Variants in SEZ6L observed in about 807,000 individuals in gnomAD.
SEZ6L encodes the protein seizure 6-like protein.
SEZ6L carries 37 observed loss-of-function variants against 106.2 expected under a neutral mutation model. The ratio of observed to expected loss-of-function variants is 0.35; its 90% CI spans 0.27 to 0.46. The LOEUF (loss-of-function observed/expected upper bound fraction) is 0.46, where lower values mean the gene tolerates loss of function less well. SEZ6L is among the 20% of genes least tolerant of loss of function. The pLI, the probability that SEZ6L is intolerant of heterozygous loss-of-function variation, is 1.00. For missense variants in SEZ6L, 1,172 were observed against 1,332.8 expected, an observed-to-expected ratio of 0.88 and a Z score of 1.88; for synonymous variants, 541 against 570.4, an observed-to-expected ratio of 0.95 and a Z score of 0.73.
chr22:26,204,789 A>G (rs1941192678), intron 1 of SEZ6L, among the ~76,000 whole-genome samples: 1 of 152,246 alleles, frequency 6.6e-6, no homozygotes, highest in African/African-American at 2.4e-5. Context: ...CACATTTGCC[A>G]AAGACAGGAG....
chr22:26,284,604 CAAAAAAAAAAAAA>C (rs137198), intron 1 of SEZ6L, among the ~76,000 whole-genome samples: 7 of 64,022 alleles, frequency 1.1e-4, no homozygotes, highest in East Asian at 1.1e-3. Context: ...ATCAGGACTC[CAAAAAAAAAAAAA>C]AAAAAAAAAA....
intron 1 of SEZ6L, among the ~76,000 whole-genome samples, chr22:26,208,846 CTCTCTGTGTGTGTGTGTGTGTGTGTG>C (rs1319019886): frequency 3.4e-5 from 4 of 118,110 alleles, no homozygotes; most frequent in South Asian, 5.9e-4. Context: ...TCTTGACTCT[CTCTCTGTGTGTGTGTGTGTGTGTGTG>C]TGTGTGTGTG....
intron 9 of SEZ6L, among the ~76,000 whole-genome samples, chr22:26,339,591 G>T (rs971332025): frequency 1.3e-5 from 2 of 152,158 alleles, no homozygotes; most frequent in African/African-American, 2.4e-5. Context: ...ACAGGTTTGA[G>T]CATATCTCAT....
chr22:26,247,354 G>A (rs867891792), intron 1 of SEZ6L, among the ~76,000 whole-genome samples: 8 of 152,272 alleles, frequency 5.3e-5, no homozygotes, highest in Middle Eastern at 3.4e-3. Context: ...CATGTCTGCC[G>A]AAAAGCTCAG....
At chr22:26,365,675 C>A in intron 13 of SEZ6L, 109 bp downstream of exon 13, 1 of 988,990 alleles carries the variant, frequency 1.0e-6, no homozygotes, top group Non-Finnish European at 1.4e-6. Context: ...GAGTTCGAGA[C>A]CAGCCGAGGC....
chr22:26,250,408 A>C (rs1327556383), intron 1 of SEZ6L, among the ~76,000 whole-genome samples: 1 of 152,104 alleles, frequency 6.6e-6, no homozygotes, highest in Non-Finnish European at 1.5e-5. Context: ...CAGCACCATT[A>C]ATAAGAGAAT....
Position 26,220,909 on chromosome 22 carries a change from AT to A in SEZ6L, c.94+51147del, listed in dbSNP as rs2078447466. Among the ~76,000 whole-genome samples the A allele has an allele frequency of 3.3e-5, 5 of 151,644 alleles. 1 individual carries two copies. Among genetic ancestry groups the A allele is most frequent in the Admixed American group, 3.3e-4 (5 of 15,194 alleles). On this transcript the variant is annotated intron_variant, in intron 1 of 16. Transcript: ENST00000248933. The stretch of plus-strand genomic sequence containing the variant: ...ACTGTATGAATGGATGGATGGATGG[AT>A]GGATGGATGGATGGATGGGTGGATG...
At chr22:26,221,830 C>T (rs2078483024) in intron 1 of SEZ6L, among the ~76,000 whole-genome samples, 1 of 152,146 alleles carries the variant, frequency 6.6e-6, no homozygotes, top group East Asian at 1.9e-4. Flanking sequence ...TGCTTGGACC[C>T]AAGTCAAGAA....
At chr22:26,189,443 C>T (rs1940023066) in intron 1 of SEZ6L, among the ~76,000 whole-genome samples, 1 of 152,184 alleles carries the variant, frequency 6.6e-6, no homozygotes, top group Admixed American at 6.5e-5. Flanking sequence ...AGTCAATCCT[C>T]CCCTCTGTAT....
At chr22:26,193,006 G>A (rs909277425) in intron 1 of SEZ6L, among the ~76,000 whole-genome samples, 2 of 152,180 alleles carry the variant, frequency 1.3e-5, no homozygotes, top group African/African-American at 4.8e-5. Context: ...ACTGTAAATC[G>A]TAATGAGTAC....
At chr22:26,170,204 C>CA (rs1485351466) in intron 1 of SEZ6L, among the ~76,000 whole-genome samples, 2 of 151,956 alleles carry the variant, frequency 1.3e-5, no homozygotes, top group Non-Finnish European at 2.9e-5. Flanking sequence ...GGACTAGACT[C>CA]AAACAGTGCA....
At position 26,284,218 on chromosome 22, in the gene SEZ6L, G is replaced by A. The variant is rs543470230; in HGVS notation, c.95-8188G>A. On this transcript the variant is annotated intron_variant, in intron 1 of 16. Transcript: ENST00000248933. ...GTGAGCTAAGTCCAGAACACAAACAGTTCTGACTCCCAATCTCACACTCCT... is the reference window on the plus strand; with the variant it reads ...GTGAGCTAAGTCCAGAACACAAACAATTCTGACTCCCAATCTCACACTCCT... 1.2e-4 allele frequency among the ~76,000 whole-genome samples: 19 copies of A among 152,316 alleles called. No individual in the cohort carries two copies. In the South Asian group the frequency reaches 3.9e-3, roughly 32 times the overall value.
intron 1 of SEZ6L, among the ~76,000 whole-genome samples, chr22:26,171,464 T>G (rs1431142390): frequency 6.6e-6 from 1 of 151,790 alleles, no homozygotes; most frequent in Admixed American, 6.6e-5. Context: ...TCTAAAGCAG[T>G]TCTACCTCTG....
chr22:26,361,105 A>G (rs1049868770), intron 12 of SEZ6L, among the ~76,000 whole-genome samples: 1 of 152,164 alleles, frequency 6.6e-6, no homozygotes, highest in African/African-American at 2.4e-5. Flanking sequence ...TAAAACTGAC[A>G]TGTGAAACCT....
chr22:26,223,745 A>G (rs898738135), intron 1 of SEZ6L, among the ~76,000 whole-genome samples: 1 of 152,238 alleles, frequency 6.6e-6, no homozygotes, highest in African/African-American at 2.4e-5. Flanking sequence ...TGCCTGGTAC[A>G]TGAAATGCCC....
intron 9 of SEZ6L, among the ~76,000 whole-genome samples, chr22:26,324,857 A>G (rs1486370696): frequency 6.6e-6 from 1 of 152,220 alleles, no homozygotes; most frequent in Admixed American, 6.5e-5. Flanking sequence ...TTGCTGTATA[A>G]CAAACCACCC....
At chr22:26,226,571 A>G (rs183608358) in intron 1 of SEZ6L, among the ~76,000 whole-genome samples, 203 of 152,188 alleles carry the variant, frequency 1.3e-3, no homozygotes, top group African/African-American at 4.6e-3. Flanking sequence ...TTTTGTGTGT[A>G]TATGTATGTG....
At chr22:26,305,844 A>C in intron 5 of SEZ6L, 135 bp from the exon 6 acceptor site, 1 of 909,270 alleles carries the variant, frequency 1.1e-6, no homozygotes, top group Non-Finnish European at 1.6e-6. Flanking sequence ...ATCCTGGGCA[A>C]GGGGCAGGGG....
chr22:26,230,783 C>A (rs905552485), intron 1 of SEZ6L, among the ~76,000 whole-genome samples: 1 of 152,170 alleles, frequency 6.6e-6, no homozygotes, highest in African/African-American at 2.4e-5. Flanking sequence ...AGAATGCATT[C>A]CAAGCTGTGA....
Sources: gnomAD v4.1 joint callset for allele counts (sites outside exome capture counted in the v4.1 genomes callset) on GRCh38, gnomAD v4.1.1 for gene constraint, MANE v1.5 for transcripts, NCBI Gene and HGNC (gene_info 2026-07-23, HGNC 2026-07-21) for gene names.